The following MYO5B variants were observed in gnomAD, a reference collection of about 807,000 sequenced individuals.
MYO5B encodes unconventional myosin-Vb.
A neutral mutation model predicts 229.3 loss-of-function variants in MYO5B; 143 were observed. The observed-to-expected ratio is 0.62, with a 90% CI of 0.54 to 0.72. MYO5B has a LOEUF of 0.72. MYO5B is among the 30% of genes least tolerant of loss of function. The probability of loss-of-function intolerance (pLI) is 0.00; values close to 1 mark genes in which losing one functional copy is unlikely to be tolerated. For missense variants in MYO5B, 2,321 were observed against 2,331.0 expected, an observed-to-expected ratio of 1.00 and a Z score of 0.09; for synonymous variants, 918 against 885.2, an observed-to-expected ratio of 1.04 and a Z score of -0.66.
At chr18:50,011,464 T>C (rs555156204) in intron 4 of MYO5B, among the ~76,000 whole-genome samples, 12 of 152,270 alleles carry the variant, frequency 7.9e-5, no homozygotes, top group Admixed American at 5.9e-4. Flanking sequence ...TATGCTCAAC[T>C]GCCCACTGGA....
chr18:50,019,877 C>T (rs551525443), intron 4 of MYO5B, among the ~76,000 whole-genome samples: 2 of 152,242 alleles, frequency 1.3e-5, no homozygotes, highest in East Asian at 3.9e-4. Flanking sequence ...CTGGCTGTGT[C>T]CCTCTTTCTC....
intron 27 of MYO5B, among the ~76,000 whole-genome samples, chr18:49,867,472 G>A (rs472449): frequency 0.43 from 65,104 of 151,802 alleles, 14,570 homozygotes; most frequent in Middle Eastern, 0.56. Flanking sequence ...GGGTGAAACC[G>A]CCCCGGGAGA....
rs2032916707 is a variant in MYO5B at position 50,171,282 on chromosome 18, G to A, written c.27+23485C>T. On this transcript the variant is annotated intron_variant, in intron 1 of 39. Coordinates refer to ENST00000285039, the MANE Select transcript of MYO5B (RefSeq NM_001080467.3). ...ACACTGCAGGCCAACGACAGCAGCA[G>A]AGGCATGAGAGGAGATGCCAAGACC... Among the ~76,000 whole-genome samples the A allele has an allele frequency of 1.6e-5, 2 of 128,048 alleles. 1 individual carries two copies. The highest frequency in any genetic ancestry group is 1.7e-4 in the Admixed American group (2 of 11,940). The allele number at this position is 128,048 out of a possible 152,430, so 84.0% of individuals were successfully genotyped here.
intron 29 of MYO5B, 63 bp downstream of exon 29, chr18:49,863,164 A>T (rs752882526): frequency 2.4e-6 from 3 of 1,266,916 alleles, no homozygotes; most frequent in Non-Finnish European, 3.5e-6. Context: ...CCCCAAACAG[A>T]CTCGTTTGGG....
At chr18:49,995,896 A>G (rs566960689) in intron 5 of MYO5B, among the ~76,000 whole-genome samples, 1 of 152,302 alleles carries the variant, frequency 6.6e-6, no homozygotes, top group African/African-American at 2.4e-5. Context: ...ACAAAACAAA[A>G]CAGAAACTAA....
Position 49,826,616 on chromosome 18 carries a change from A to G in MYO5B, c.5402T>C (p.Leu1801Pro). ...VAFIRTIQAQ[L>P]QERNDPQQLL... ...TTGCTGAGGGTCATTCCGCTCTTGT[A>G]GTTGTGCCTATGGGGAAGAATAAGA... The change falls in exon 40 of 40, where the codon CTA becomes CCA. Residue 1801 changes from leucine to proline, a missense_variant. Coordinates refer to ENST00000285039, the MANE Select transcript of MYO5B (RefSeq NM_001080467.3). 6.2e-7 allele frequency: 1 copy of G among 1,613,178 alleles called. No homozygotes were observed. Among genetic ancestry groups the G allele is most frequent in the Non-Finnish European group, 8.5e-7 (1 of 1,179,868 alleles).
chr18:50,001,240 C>G lies in MYO5B; in HGVS notation c.612+15G>C. ...AGCTCCAGCCAGGAAGGCCAGGACA[C>G]CTAGAAGGCTTTACCTCCATGATGG... On this transcript the variant is annotated intron_variant, in intron 5 of 39. Coordinates refer to ENST00000285039, the MANE Select transcript of MYO5B (RefSeq NM_001080467.3). 1 of 1,614,136 alleles carries G rather than the reference C, an allele frequency of 6.2e-7. No individual in the cohort carries two copies. Among genetic ancestry groups the G allele is most frequent in the South Asian group, 1.1e-5 (1 of 91,072 alleles).
intron 30 of MYO5B, 54 bp downstream of exon 30, chr18:49,856,759 C>T: frequency 6.9e-7 from 1 of 1,448,946 alleles, no homozygotes; most frequent in Non-Finnish European, 9.7e-7. Flanking sequence ...TAAGCATAGA[C>T]ATGAGCAGGC....
intron 22 of MYO5B, among the ~76,000 whole-genome samples, chr18:49,892,353 C>T (rs1012571512): frequency 5.3e-5 from 8 of 152,170 alleles, no homozygotes; most frequent in Admixed American, 3.9e-4. Context: ...TTCCTGCCCT[C>T]GGGGAGACTT....
intron 1 of MYO5B, among the ~76,000 whole-genome samples, chr18:50,146,876 C>T (rs188684736): frequency 1.2e-4 from 19 of 152,276 alleles, no homozygotes; most frequent in African/African-American, 3.6e-4. Context: ...TCTGCAGGTA[C>T]TTCTGGAAGT....
intron 14 of MYO5B, among the ~76,000 whole-genome samples, chr18:49,942,132 A>G (rs1247415568): frequency 1.3e-5 from 2 of 150,002 alleles, no homozygotes; most frequent in Admixed American, 1.3e-4. Flanking sequence ...CTGGCTAGCC[A>G]TATGTAGAAA....
intron 1 of MYO5B, among the ~76,000 whole-genome samples, chr18:50,183,657 C>A (rs1359792108): frequency 6.6e-6 from 1 of 151,800 alleles, no homozygotes; most frequent in Non-Finnish European, 1.5e-5. Context: ...ATTTTAAGCT[C>A]CTTGAATTTC....
At position 49,859,299 on chromosome 18, in the gene MYO5B, A is replaced by T. The variant is rs548679437; in HGVS notation, c.3945-2409T>A. The stretch of plus-strand genomic sequence containing the variant: ...ACCTTATTGCAAAGGTTTCTTCCAG[A>T]TCTTATAAAAAGCCAGACAAGGCCT... On this transcript the variant is annotated intron_variant, in intron 29 of 39. Coordinates refer to ENST00000285039, the MANE Select transcript of MYO5B (RefSeq NM_001080467.3). Among the ~76,000 whole-genome samples the T allele has an allele frequency of 2.6e-5, 4 of 152,300 alleles. No homozygotes were observed. In the South Asian group the frequency reaches 8.3e-4, roughly 32 times the overall value.
chr18:50,062,637 CA>C, intron 1 of MYO5B, among the ~76,000 whole-genome samples: 1 of 152,286 alleles, frequency 6.6e-6, no homozygotes, highest in African/African-American at 2.4e-5. Flanking sequence ...CACCCCCTCC[CA>C]GTAGAACTCA....
chr18:50,171,408 T>C lies in MYO5B; in HGVS notation c.27+23359A>G, dbSNP rs2032918366. Among the ~76,000 whole-genome samples the C allele has an allele frequency of 1.6e-5, 2 of 127,038 alleles. 1 individual carries two copies. Among genetic ancestry groups the C allele is most frequent in the African/African-American group, 6.0e-5 (2 of 33,452 alleles). The allele number at this position is 127,038 out of a possible 152,430, so 83.3% of individuals were successfully genotyped here. On this transcript the variant is annotated intron_variant, in intron 1 of 39. Transcript: ENST00000285039. Reference sequence around the variant, plus strand: ...AAGGGCTTATAGAGAAGCTGCAATTTGACCTTGGTCTCGAGAGAGACCATA... The same window carrying C: ...AAGGGCTTATAGAGAAGCTGCAATTCGACCTTGGTCTCGAGAGAGACCATA...
At chr18:50,118,190 C>CT (rs1427064930) in intron 1 of MYO5B, among the ~76,000 whole-genome samples, 2 of 152,204 alleles carry the variant, frequency 1.3e-5, no homozygotes, top group African/African-American at 4.8e-5. Flanking sequence ...GCATGACTGT[C>CT]TCAGTTTGCC....
intron 1 of MYO5B, among the ~76,000 whole-genome samples, chr18:50,158,518 T>G (rs765193061): frequency 3.5e-4 from 54 of 152,258 alleles, no homozygotes; most frequent in Non-Finnish European, 6.2e-4. Flanking sequence ...AGCTCTTACA[T>G]GTATTGCTCA....
intron 1 of MYO5B, among the ~76,000 whole-genome samples, chr18:50,168,886 C>T (rs192023673): frequency 1.6e-5 from 2 of 127,954 alleles, no homozygotes; most frequent in African/African-American, 3.0e-5. Context: ...ATCCCAGAAG[C>T]CCCATGCCTG....
At chr18:49,929,668 A>C in intron 16 of MYO5B, 70 bp from the exon 17 acceptor site, 1 of 1,342,542 alleles carries the variant, frequency 7.4e-7, no homozygotes, top group Non-Finnish European at 1.0e-6. Context: ...AAAAAGAAAC[A>C]AAAAAGAATC....
Sources: allele counts gnomAD v4.1 joint callset (sites outside exome capture counted in the v4.1 genomes callset), GRCh38; gene constraint gnomAD v4.1.1; transcripts MANE v1.5; gene names NCBI Gene and HGNC (gene_info 2026-07-23, HGNC 2026-07-21).